ATL3: variants seen among roughly 807,000 people sequenced by gnomAD.
The protein encoded by ATL3 is atlastin GTPase 3, also known as atlastin-3.
In ATL3, 49 loss-of-function variants were observed where a neutral mutation model predicts 69.5. The ratio of observed to expected loss-of-function variants is 0.71; its 90% CI spans 0.56 to 0.89. The LOEUF (loss-of-function observed/expected upper bound fraction) is 0.89, where lower values mean the gene tolerates loss of function less well. ATL3 is among the 40% of genes least tolerant of loss of function. The pLI, the probability that ATL3 is intolerant of heterozygous loss-of-function variation, is 0.00. For synonymous variants in ATL3, 214 were observed against 224.1 expected (o/e 0.95, Z 0.40); for missense variants, 606 against 645.7 (o/e 0.94, Z 0.67).
intron 6 of ATL3, among the ~76,000 whole-genome samples, chr11:63,645,013 G>A (rs537377788): frequency 2.0e-5 from 3 of 152,186 alleles, no homozygotes; most frequent in Non-Finnish European, 4.4e-5. Context: ...CCCAGGAGGA[G>A]GAGGTTGCAG....
In ATL3 at chr11:63,628,834, C is replaced by CAAAAAAAA. The variant is rs551769719; in HGVS notation, c.*477_*484dup. On this transcript the variant is annotated 3_prime_UTR_variant, in exon 13 of 13. Transcript: ENST00000398868. ...CTGGTGACAGAGCGAGACTCCAACT[C>CAAAAAAAA]AAAAAAAAAAAAAAAAAAAAAAAGA... 9 of 61,698 alleles carry CAAAAAAAA rather than the reference C, an allele frequency of 1.5e-4. No individual in the cohort carries two copies. The highest frequency in any genetic ancestry group is 2.2e-4 in the Non-Finnish European group (7 of 31,168). 3.8% of individuals were successfully genotyped at this position (61,698 alleles called of 1,614,324 possible).
rs1345657020 is a variant in ATL3 at position 63,659,440 on chromosome 11, A to G, written c.47-188T>C. ...CCAGGAGTTTCAGACTAGCCTGGGAAACGGTGAAACCCAGCGCTATGAAAT... is the reference window on the plus strand; with the variant it reads ...CCAGGAGTTTCAGACTAGCCTGGGAGACGGTGAAACCCAGCGCTATGAAAT... On this transcript the variant is annotated intron_variant, in intron 1 of 12. Transcript: ENST00000398868. 3.3e-5 allele frequency among the ~76,000 whole-genome samples: 5 copies of G among 152,152 alleles called. No homozygotes were observed. In the East Asian group the frequency reaches 9.6e-4, roughly 29 times the overall value.
chr11:63,651,884 T>A, intron 5 of ATL3, 52 bp downstream of exon 5: 7 of 1,551,726 alleles, frequency 4.5e-6, no homozygotes, highest in Non-Finnish European at 6.0e-6. Context: ...TGTTCCTTAA[T>A]CTTAAAACTT....
At position 63,630,474 on chromosome 11, in the gene ATL3, A is replaced by T. The variant is rs189364963; in HGVS notation, c.1539+566T>A. Among the ~76,000 whole-genome samples, 676 of 147,972 alleles carry T rather than the reference A, an allele frequency of 4.6e-3. 4 individuals carry two copies. The highest frequency in any genetic ancestry group is 5.9e-3 in the Non-Finnish European group (399 of 67,164). The stretch of plus-strand genomic sequence containing the variant: ...GTTGCCAAAGGGGAACACAATCAGT[A>T]TGTCTAAGTTGGAATGTTTTTGCAT... On this transcript the variant is annotated intron_variant, in intron 12 of 12. Transcript: ENST00000398868.
chr11:63,657,373 G>C (rs920868503), intron 3 of ATL3, among the ~76,000 whole-genome samples: 2 of 152,194 alleles, frequency 1.3e-5, no homozygotes, highest in African/African-American at 4.8e-5. Flanking sequence ...AGCTTACAAG[G>C]CATAGATGAG....
At chr11:63,667,334 ATTTTT>A (rs113726146) in intron 1 of ATL3, among the ~76,000 whole-genome samples, 1 of 145,760 alleles carries the variant, frequency 6.9e-6, no homozygotes. Flanking sequence ...ATTAGAAAGC[ATTTTT>A]TTTTTTTTGA....
At chr11:63,652,613 T>C (rs762496608) in intron 3 of ATL3, 38 bp from the exon 4 acceptor site, 1 of 1,460,900 alleles carries the variant, frequency 6.8e-7, no homozygotes, top group South Asian at 1.2e-5. Context: ...GAGATTAAAC[T>C]AAGAAGGAGG....
chr11:63,632,964 T>C (rs1474001606), intron 11 of ATL3, 62 bp downstream of exon 11: 3 of 1,498,766 alleles, frequency 2.0e-6, no homozygotes, highest in Non-Finnish European at 9.3e-7. Context: ...AGTTGGGCTT[T>C]TGAAGTCAGC....
chr11:63,654,296 G>A (rs1288974179), intron 3 of ATL3, among the ~76,000 whole-genome samples: 2 of 149,758 alleles, frequency 1.3e-5, no homozygotes, highest in Non-Finnish European at 2.9e-5. Context: ...ATAGACGCCC[G>A]CCACCACGCC....
intron 8 of ATL3, chr11:63,637,792 T>C (rs1390248194): frequency 6.6e-6 from 1 of 152,090 alleles, no homozygotes; most frequent in East Asian, 1.9e-4. Flanking sequence ...GACTATAATA[T>C]GAAAAATGAA....
At chr11:63,648,524 A>G (rs973681905) in intron 5 of ATL3, among the ~76,000 whole-genome samples, 3 of 152,198 alleles carry the variant, frequency 2.0e-5, no homozygotes, top group African/African-American at 7.2e-5. Context: ...GACATTTGAG[A>G]AAAGCCTCTT....
At chr11:63,663,872 T>C (rs1940495634) in intron 1 of ATL3, among the ~76,000 whole-genome samples, 1 of 152,148 alleles carries the variant, frequency 6.6e-6, no homozygotes, top group South Asian at 2.1e-4. Flanking sequence ...ATAGCTAGGA[T>C]ATGACCAGGT....
At chr11:63,632,128 ATTT>A in intron 11 of ATL3, 1 of 339,402 alleles carries the variant, frequency 2.9e-6, no homozygotes, top group Non-Finnish European at 5.8e-6. Context: ...ACATGCTTTA[ATTT>A]TTTTTTTCTG....
intron 11 of ATL3, chr11:63,632,627 C>T (rs765132897): frequency 2.1e-6 from 2 of 937,008 alleles, no homozygotes; most frequent in Admixed American, 1.8e-5. Context: ...TCCATATGAA[C>T]TAATAAGAGG....
At chr11:63,643,011 A>G (rs1211967012) in intron 8 of ATL3, among the ~76,000 whole-genome samples, 1 of 152,258 alleles carries the variant, frequency 6.6e-6, no homozygotes, top group African/African-American at 2.4e-5. Flanking sequence ...TCTGCCATGC[A>G]TCATGCTGCC....
intron 1 of ATL3, among the ~76,000 whole-genome samples, chr11:63,665,411 T>C (rs1940546771): frequency 6.6e-6 from 1 of 151,564 alleles, no homozygotes; most frequent in Admixed American, 6.6e-5. Flanking sequence ...CAAGAGAAGC[T>C]GAAGACTACT....
intron 8 of ATL3, among the ~76,000 whole-genome samples, chr11:63,642,341 A>G (rs1565273808): frequency 1.3e-5 from 2 of 152,220 alleles, no homozygotes. Context: ...TTGCAATATT[A>G]AGACCAGCTA....
At chr11:63,643,815 G>A (rs1001785252) in intron 7 of ATL3, among the ~76,000 whole-genome samples, 5 of 151,758 alleles carry the variant, frequency 3.3e-5, no homozygotes, top group African/African-American at 9.7e-5. Flanking sequence ...TGGGGGAACA[G>A]GTTAGGCCTG....
intron 10 of ATL3, among the ~76,000 whole-genome samples, chr11:63,633,534 A>G (rs1028981339): frequency 2.0e-5 from 3 of 151,856 alleles, no homozygotes; most frequent in African/African-American, 7.3e-5. Flanking sequence ...GCGTGCCACC[A>G]CGCTTGGCTA....
Sources: gnomAD v4.1 joint callset for allele counts (sites outside exome capture counted in the v4.1 genomes callset) on GRCh38, gnomAD v4.1.1 for gene constraint, MANE v1.5 for transcripts, NCBI Gene and HGNC (gene_info 2026-07-23, HGNC 2026-07-21) for gene names.